The following SAMMSON variants were observed in gnomAD, a reference collection of about 807,000 sequenced individuals.
The protein encoded by SAMMSON is survival associated mitochondrial melanoma specific oncogenic non-coding RNA.
At chr3:70,050,428 T>C (rs900200617) in intron 3 of SAMMSON, among the ~76,000 whole-genome samples, 53 of 152,194 alleles carry the variant, frequency 3.5e-4, no homozygotes, top group African/African-American at 1.2e-3. Context: ...CCGAAGGCTA[T>C]AGGGACAAGA....
chr3:70,259,341 G>A (rs1205276913), intron 6 of SAMMSON, among the ~76,000 whole-genome samples: 2 of 151,952 alleles, frequency 1.3e-5, no homozygotes, highest in African/African-American at 4.8e-5. Flanking sequence ...GCTCTTTAGA[G>A]GATCTAAAGT....
At chr3:70,105,693 C>T (rs1166404470) in intron 4 of SAMMSON, among the ~76,000 whole-genome samples, 1 of 152,112 alleles carries the variant, frequency 6.6e-6, no homozygotes, top group Non-Finnish European at 1.5e-5. Flanking sequence ...AATGAAAAAG[C>T]AAATTTTTAG....
rs993262563 is a variant in SAMMSON, at chr3:70,363,865, C to T, written n.913+5541C>T. ...GAGAGTGTGAATTATCTGTTTATGACGTTTTCCACACATGTATTGATATTT... is the reference window on the plus strand; with the variant it reads ...GAGAGTGTGAATTATCTGTTTATGATGTTTTCCACACATGTATTGATATTT... On this transcript the variant is annotated intron_variant and non_coding_transcript_variant, in intron 9 of 9. Transcript: ENST00000642114. 5.3e-5 allele frequency among the ~76,000 whole-genome samples: 8 copies of T among 150,164 alleles called. No homozygotes were observed. The South Asian group carries it at 1.5e-3, about 28-fold the overall frequency.
At chr3:70,030,796 A>G (rs2067062710) in intron 3 of SAMMSON, 1 of 152,188 alleles carries the variant, frequency 6.6e-6, no homozygotes, top group South Asian at 2.1e-4. Flanking sequence ...AAGATGCTCA[A>G]CTCAACATTG....
chr3:70,363,693 G>A (rs531806440), intron 9 of SAMMSON, among the ~76,000 whole-genome samples: 1 of 152,002 alleles, frequency 6.6e-6, no homozygotes, highest in African/African-American at 2.4e-5. Context: ...ATTTTAATTT[G>A]CAATGTCACT....
intron 4 of SAMMSON, among the ~76,000 whole-genome samples, chr3:70,132,584 C>T (rs1322334108): frequency 1.3e-5 from 2 of 152,076 alleles, no homozygotes; most frequent in Non-Finnish European, 2.9e-5. Flanking sequence ...CATTTTCCAG[C>T]CTGTCAGAAT....
Position 70,045,049 on chromosome 3 carries a change from AT to A in SAMMSON, n.418-26426del, listed in dbSNP as rs1434981363. Among the ~76,000 whole-genome samples the A allele has an allele frequency of 1.4e-4, 17 of 120,036 alleles. No homozygotes were observed. In the South Asian group the frequency reaches 4.1e-3, roughly 29 times the overall value. 78.7% of individuals were successfully genotyped at this position (120,036 alleles called of 152,430 possible). A position where few individuals can be genotyped will look rare whatever the true frequency, so the allele number is the denominator to read the frequency against. ...ATAATATATATTATAATTAATATAT[AT>A]AATTAATTATAATATATATTATAAT... On this transcript the variant is annotated intron_variant and non_coding_transcript_variant, in intron 3 of 9. Transcript: ENST00000642114.
intron 6 of SAMMSON, among the ~76,000 whole-genome samples, chr3:70,264,294 T>C (rs1701894502): frequency 1.3e-5 from 2 of 152,242 alleles, no homozygotes; most frequent in South Asian, 4.1e-4. Flanking sequence ...AAGTATACTT[T>C]TGCAATTTGC....
At chr3:70,363,397 G>A (rs541437409) in intron 9 of SAMMSON, among the ~76,000 whole-genome samples, 4 of 151,962 alleles carry the variant, frequency 2.6e-5, no homozygotes, top group Admixed American at 6.6e-5. Flanking sequence ...GGTCCCCTTC[G>A]CTGACAACAT....
intron 3 of SAMMSON, among the ~76,000 whole-genome samples, chr3:70,039,341 A>G (rs1434694196): frequency 6.6e-6 from 1 of 152,050 alleles, no homozygotes; most frequent in Non-Finnish European, 1.5e-5. Flanking sequence ...GCTGAAATTT[A>G]AATTGGTAGA....
At chr3:70,143,549 C>G (rs1050974913) in intron 4 of SAMMSON, among the ~76,000 whole-genome samples, 11 of 152,260 alleles carry the variant, frequency 7.2e-5, no homozygotes, top group African/African-American at 2.2e-4. Flanking sequence ...GGAGGTTCAC[C>G]TTTGTGGGTC....
At chr3:70,418,384 T>A (rs1354540001) in intron 2 of SAMMSON, among the ~76,000 whole-genome samples, 1 of 152,184 alleles carries the variant, frequency 6.6e-6, no homozygotes, top group Non-Finnish European at 1.5e-5. Context: ...CCTAGGGTGG[T>A]CAGGTACTTA....
intron 4 of SAMMSON, among the ~76,000 whole-genome samples, chr3:70,207,932 G>A (rs1221475051): frequency 1.3e-5 from 2 of 151,976 alleles, no homozygotes; most frequent in African/African-American, 4.8e-5. Flanking sequence ...TGCAACAAGC[G>A]CTGGGCTGTA....
At chr3:70,010,402 T>C (rs2066948966) in intron 1 of SAMMSON, among the ~76,000 whole-genome samples, 1 of 152,170 alleles carries the variant, frequency 6.6e-6, no homozygotes, top group African/African-American at 2.4e-5. Flanking sequence ...AATGGCCTTC[T>C]TTGTCTCTTT....
At chr3:70,316,284 C>T (rs1422407870) in intron 7 of SAMMSON, among the ~76,000 whole-genome samples, 6 of 152,078 alleles carry the variant, frequency 3.9e-5, no homozygotes, top group East Asian at 1.9e-4. Flanking sequence ...GTCCTTTTGC[C>T]TTTAAAATAT....
intron 4 of SAMMSON, among the ~76,000 whole-genome samples, chr3:70,143,090 A>C (rs1302362183): frequency 6.6e-6 from 1 of 152,146 alleles, no homozygotes; most frequent in East Asian, 1.9e-4. Flanking sequence ...ATGCATGAGA[A>C]TTTTAGACTT....
intron 4 of SAMMSON, among the ~76,000 whole-genome samples, chr3:70,202,111 G>A (rs1038875363): frequency 2.0e-5 from 3 of 152,052 alleles, no homozygotes; most frequent in Non-Finnish European, 4.4e-5. Context: ...TCTAATAGTG[G>A]TTAGTGACTA....
rs538893418 is a variant in SAMMSON, at chr3:70,148,721, T to C, written n.507+77156T>C. Reference sequence around the variant, plus strand: ...TCATGGGACCTACTAGAGCAAGAACTCACTCACTACCTTGAGGGCAGCACC... The same window carrying C: ...TCATGGGACCTACTAGAGCAAGAACCCACTCACTACCTTGAGGGCAGCACC... On this transcript the variant is annotated intron_variant and non_coding_transcript_variant, in intron 4 of 9. Coordinates refer to ENST00000642114, the Ensembl canonical transcript of SAMMSON. 5.9e-5 allele frequency among the ~76,000 whole-genome samples: 9 copies of C among 152,116 alleles called. No homozygotes were observed. The South Asian group carries it at 1.9e-3, about 32-fold the overall frequency.
chr3:70,022,940 T>A (rs991516498), intron 3 of SAMMSON, among the ~76,000 whole-genome samples: 1 of 152,156 alleles, frequency 6.6e-6, no homozygotes, highest in Non-Finnish European at 1.5e-5. Flanking sequence ...AAGAAAAAGT[T>A]GGGTTGGTAT....
Sources: allele counts gnomAD v4.1 joint callset (sites outside exome capture counted in the v4.1 genomes callset), GRCh38; gene constraint gnomAD v4.1.1; transcripts MANE v1.5; gene names NCBI Gene and HGNC (gene_info 2026-07-23, HGNC 2026-07-21).